FAM184A: variants seen among roughly 807,000 people sequenced by gnomAD.
FAM184A encodes the protein family with sequence similarity 184 member A.
A neutral mutation model predicts 143.8 loss-of-function variants in FAM184A; 99 were observed. The ratio of observed to expected loss-of-function variants is 0.69; its 90% confidence interval spans 0.58 to 0.81. The LOEUF is 0.81. Ranked by LOEUF, FAM184A falls within the 40% of genes least tolerant of loss-of-function variation. FAM184A has a pLI of 0.00. For synonymous variants in FAM184A, 427 were observed against 446.4 expected, an observed-to-expected ratio of 0.96 and a Z score of 0.55; for missense variants, 1,217 against 1,310.5, an observed-to-expected ratio of 0.93 and a Z score of 1.10.
At chr6:119,018,750 C>T (rs1012655196) in intron 4 of FAM184A, among the ~76,000 whole-genome samples, 4 of 151,930 alleles carry the variant, frequency 2.6e-5, no homozygotes, top group Non-Finnish European at 5.9e-5. Context: ...GCCTAAACCT[C>T]GGATCTATAA....
intron 1 of FAM184A, among the ~76,000 whole-genome samples, chr6:119,049,174 G>A (rs979051260): frequency 2.0e-5 from 3 of 152,208 alleles, no homozygotes; most frequent in African/African-American, 7.2e-5. Context: ...TACGCCAGGC[G>A]CGGTGGCTCA....
intron 1 of FAM184A, among the ~76,000 whole-genome samples, chr6:119,060,226 T>C (rs1404465709): frequency 6.6e-6 from 1 of 152,238 alleles, no homozygotes. Context: ...TCCCTCCTAG[T>C]ATCATGTCTA....
chr6:119,084,093 A>AAAGAG (rs147210955), intron 1 of FAM184A, among the ~76,000 whole-genome samples: 18,611 of 151,274 alleles, frequency 0.12, 1,583 homozygotes, highest in African/African-American at 0.23. Flanking sequence ...GAGAGAGAGA[A>AAAGAG]AGAGAGAGAG....
chr6:119,032,128 TG>T (rs1241223147), intron 1 of FAM184A, among the ~76,000 whole-genome samples: 2 of 151,920 alleles, frequency 1.3e-5, no homozygotes, highest in Non-Finnish European at 2.9e-5. Flanking sequence ...AAAAATTAGC[TG>T]GGCATGGTGG....
At chr6:119,089,058 T>G (rs1057034521) in intron 1 of FAM184A, among the ~76,000 whole-genome samples, 1 of 151,870 alleles carries the variant, frequency 6.6e-6, no homozygotes, top group African/African-American at 2.4e-5. Context: ...ATATTTTCTA[T>G]TATTTATTTA....
intron 9 of FAM184A, among the ~76,000 whole-genome samples, chr6:118,989,497 A>AGGTG: frequency 6.6e-6 from 1 of 152,022 alleles, no homozygotes; most frequent in Admixed American, 6.5e-5. Flanking sequence ...TTATTTCTTC[A>AGGTG]AGTGACACAA....
intron 1 of FAM184A, chr6:119,025,660 T>A: frequency 1.9e-6 from 1 of 516,440 alleles, no homozygotes; most frequent in Non-Finnish European, 3.9e-6. Flanking sequence ...TCGGATGCCA[T>A]CCATCATGCC....
chr6:118,980,108 A>C, intron 10 of FAM184A, 30 bp downstream of exon 10: 4 of 1,587,010 alleles, frequency 2.5e-6, no homozygotes, highest in Non-Finnish European at 3.5e-6. Flanking sequence ...CAGTTGGGTT[A>C]CATTTGAACG....
chr6:119,111,615 T>G, intron 1 of FAM184A, among the ~76,000 whole-genome samples: 1 of 152,250 alleles, frequency 6.6e-6, no homozygotes, highest in East Asian at 1.9e-4. Context: ...CATGTAATAA[T>G]AAGTTGACAC....
At chr6:119,088,530 CAT>C (rs1788287761) in intron 1 of FAM184A, among the ~76,000 whole-genome samples, 2 of 152,142 alleles carry the variant, frequency 1.3e-5, no homozygotes, top group Non-Finnish European at 2.9e-5. Flanking sequence ...CCAGAAGAAT[CAT>C]AGAGACCAAG....
intron 1 of FAM184A, among the ~76,000 whole-genome samples, chr6:119,065,792 T>C (rs547793028): frequency 2.4e-4 from 37 of 152,314 alleles, no homozygotes; most frequent in African/African-American, 8.2e-4. Flanking sequence ...TCTACCACTA[T>C]TGTCCTAATC....
At chr6:119,051,486 T>C (rs1321461103) in intron 1 of FAM184A, among the ~76,000 whole-genome samples, 4 of 152,220 alleles carry the variant, frequency 2.6e-5, no homozygotes, top group African/African-American at 4.8e-5. Context: ...AGGATAACTA[T>C]AGTCAATAAC....
chr6:118,966,764 A>G, intron 15 of FAM184A, 71 bp downstream of exon 15: 1 of 670,966 alleles, frequency 1.5e-6, no homozygotes, highest in East Asian at 2.7e-5. Flanking sequence ...ACTTAAAAAG[A>G]TTGTCCCATA....
chr6:119,025,638 T>C (rs767614075), intron 1 of FAM184A: 42 of 518,428 alleles, frequency 8.1e-5, no homozygotes, highest in South Asian at 5.9e-4. Context: ...TCTCCTTCCT[T>C]CCCTCTGTTC....
chr6:119,034,445 T>A (rs1786029193), intron 1 of FAM184A, among the ~76,000 whole-genome samples: 1 of 152,056 alleles, frequency 6.6e-6, no homozygotes, highest in East Asian at 1.9e-4. Flanking sequence ...GAGCCTATAT[T>A]TAAATTCACC....
intron 1 of FAM184A, among the ~76,000 whole-genome samples, chr6:119,133,148 A>T (rs1358154534): frequency 6.6e-6 from 1 of 152,180 alleles, no homozygotes; most frequent in African/African-American, 2.4e-5. Context: ...AAGTCTTAGG[A>T]GGAACCATGT....
At chr6:119,083,212 A>G (rs1788120962), upstream of FAM184A, among the ~76,000 whole-genome samples, 1 of 152,234 alleles carries the variant, frequency 6.6e-6, no homozygotes. Flanking sequence ...CCAGCCCACG[A>G]AACCATTTTT....
intron 1 of FAM184A, among the ~76,000 whole-genome samples, chr6:119,099,452 G>A (rs1225467487): frequency 6.6e-6 from 1 of 152,118 alleles, no homozygotes; most frequent in Non-Finnish European, 1.5e-5. Flanking sequence ...ATGCTTGGGG[G>A]AAGAGCTTCC....
chr6:119,085,013 T>C (rs956363176), intron 1 of FAM184A, among the ~76,000 whole-genome samples: 2 of 152,234 alleles, frequency 1.3e-5, no homozygotes, highest in Non-Finnish European at 2.9e-5. Context: ...GCTCCAGGCC[T>C]GTGATGGGAG....
Sources: allele counts gnomAD v4.1 joint callset (sites outside exome capture counted in the v4.1 genomes callset), GRCh38; gene constraint gnomAD v4.1.1; transcripts MANE v1.5; gene names NCBI Gene and HGNC (gene_info 2026-07-23, HGNC 2026-07-21).